DBH: variants seen among roughly 807,000 people sequenced by gnomAD.
DBH encodes the protein dopamine beta-hydroxylase.
DBH carries 49 observed loss-of-function variants against 64.0 expected under a neutral mutation model. That is an observed-to-expected ratio of 0.77 (90% CI 0.61 to 0.97). The LOEUF (loss-of-function observed/expected upper bound fraction) is 0.97, where lower values mean the gene tolerates loss of function less well. Ranked by LOEUF, DBH falls within the 50% of genes least tolerant of loss-of-function variation. The pLI, the probability that DBH is intolerant of heterozygous loss-of-function variation, is 0.00. For synonymous variants in DBH, 343 were observed against 347.1 expected (o/e 0.99, Z 0.13); for missense variants, 828 against 826.6 (o/e 1.00, Z -0.02).
In DBH at chr9:133,651,684, C is replaced by T. The variant is rs760381447; in HGVS notation, c.1242C>T (p.His414=). 3.7e-6 allele frequency: 6 copies of T among 1,613,968 alleles called. No individual in the cohort carries two copies. In the South Asian group the frequency reaches 6.6e-5, roughly 18 times the overall value. ...TCTTCGCCTCTCAGCTCCACACACA[C>T]CTGACTGGGAGAAAGGTGGTCACAG... The part of the protein sequence containing the change: ...IHIFASQLHT[H]LTGRKVVTVL... The change falls in exon 7 of 12, where the codon CAC becomes CAT. Residue 414 remains histidine (H), a synonymous_variant. Coordinates refer to ENST00000393056, the MANE Select transcript of DBH (RefSeq NM_000787.4).
At chr9:133,642,514 C>A (rs1611121) in intron 3 of DBH, 50 bp downstream of exon 3, 1 of 1,556,770 alleles carries the variant, frequency 6.4e-7, no homozygotes, top group African/African-American at 1.4e-5. Context: ...GCCTTCCTCC[C>A]GGGCCTGGGT....
chr9:133,658,667 A>G lies in DBH; in HGVS notation c.*220A>G. On this transcript the variant is annotated 3_prime_UTR_variant, in exon 12 of 12. Coordinates refer to ENST00000393056, the MANE Select transcript of DBH (RefSeq NM_000787.4). ...TGGGTGCCCTGTTGACCTACCCTGG[A>G]CCGAGTGGACCACGACCTCGTCCAT... The G allele has an allele frequency of 2.1e-6, 1 of 483,808 alleles. No homozygotes were observed. 30.0% of individuals were successfully genotyped at this position (483,808 alleles called of 1,614,324 possible).
intron 2 of DBH, among the ~76,000 whole-genome samples, chr9:133,641,167 T>C (rs1832111913): frequency 6.6e-6 from 1 of 152,194 alleles, no homozygotes; most frequent in African/African-American, 2.4e-5. Context: ...CATTAATAGA[T>C]GCCAAATAGA....
At chr9:133,654,468 T>C (rs10761412) in intron 9 of DBH, 68,175 of 152,078 alleles carry the variant, frequency 0.45, 15,573 homozygotes, top group East Asian at 0.59. Flanking sequence ...ATGGCTGAGC[T>C]GGGATTTGAC....
At chr9:133,653,106 T>A (rs1258825210) in intron 9 of DBH, 107 bp downstream of exon 9, 5 of 870,724 alleles carry the variant, frequency 5.7e-6, no homozygotes, top group Non-Finnish European at 9.7e-6. Context: ...CATGGGCTCG[T>A]CCCCTCAATA....
chr9:133,659,146 G>C lies in DBH; in HGVS notation c.*699G>C, dbSNP rs1013207046. The C allele has an allele frequency of 6.6e-6, 1 of 152,252 alleles. No homozygotes were observed. The highest frequency in any genetic ancestry group is 2.4e-5 in the African/African-American group (1 of 41,456). 9.4% of individuals were successfully genotyped at this position (152,252 alleles called of 1,614,324 possible). On this transcript the variant is annotated 3_prime_UTR_variant, in exon 12 of 12. Transcript: ENST00000393056. ...ATTAGCACCAGCTTGCTTCTCTGCC[G>C]GTGGGGCCAGCGCTGAACAGACCGG...
chr9:133,657,804 G>C (rs1032063031), intron 11 of DBH, among the ~76,000 whole-genome samples: 1 of 152,170 alleles, frequency 6.6e-6, no homozygotes, highest in Non-Finnish European at 1.5e-5. Context: ...AGAGTTAGTC[G>C]CGTAAGGTGC....
chr9:133,658,540 C>A lies in DBH; in HGVS notation c.*93C>A. The A allele has an allele frequency of 7.3e-7, 1 of 1,373,952 alleles. No homozygotes were observed. The highest frequency in any genetic ancestry group is 9.7e-7 in the Non-Finnish European group (1 of 1,030,754). 85.1% of individuals were successfully genotyped at this position (1,373,952 alleles called of 1,614,324 possible). ...CTCTGCGACGATCCCCATGGAACAG[C>A]CCTGCACGCCCAGGATGAAGGGGCC... On this transcript the variant is annotated 3_prime_UTR_variant, in exon 12 of 12. Coordinates refer to ENST00000393056, the MANE Select transcript of DBH (RefSeq NM_000787.4).
chr9:133,644,643 A>T, intron 5 of DBH, among the ~76,000 whole-genome samples: 1 of 152,210 alleles, frequency 6.6e-6, no homozygotes, highest in African/African-American at 2.4e-5. Flanking sequence ...GAGAATTTTC[A>T]TAAGGGAAGC....
In DBH at chr9:133,647,835, C is replaced by T. The variant is rs1246022790; in HGVS notation, c.1025-11C>T. 1.2e-6 allele frequency: 2 copies of T among 1,614,088 alleles called. No homozygotes were observed. The highest frequency in any genetic ancestry group is 1.7e-6 in the Non-Finnish European group (2 of 1,180,032). On this transcript the variant is annotated splice_polypyrimidine_tract_variant and intron_variant, in intron 5 of 11. Coordinates refer to ENST00000393056, the MANE Select transcript of DBH (RefSeq NM_000787.4). Reference sequence around the variant, plus strand: ...TTACCGCTCACCTCCATCCATCCCACCTTCTCCCAGGACGAAACGACTCCT... The same window carrying T: ...TTACCGCTCACCTCCATCCATCCCATCTTCTCCCAGGACGAAACGACTCCT...
intron 5 of DBH, among the ~76,000 whole-genome samples, chr9:133,645,018 TTCTC>T (rs1032720306): frequency 2.6e-5 from 4 of 152,102 alleles, no homozygotes; most frequent in Admixed American, 1.3e-4. Flanking sequence ...CACACACTTT[TTCTC>T]TCTCTCTGAA....
intron 1 of DBH, 26 bp downstream of exon 1, chr9:133,636,736 T>G (rs1237321843): frequency 1.3e-6 from 2 of 1,587,902 alleles, no homozygotes; most frequent in African/African-American, 2.7e-5. Context: ...CTGCCAGCTC[T>G]CCAAACCCTT....
chr9:133,640,035 G>C (rs1588346665), intron 2 of DBH, 43 bp downstream of exon 2: 2 of 1,610,438 alleles, frequency 1.2e-6, no homozygotes, highest in East Asian at 4.5e-5. Flanking sequence ...TGGGCTGCGT[G>C]TATCATGCTG....
intron 8 of DBH, 141 bp downstream of exon 8, chr9:133,652,425 G>A: frequency 2.0e-6 from 2 of 1,021,052 alleles, no homozygotes; most frequent in East Asian, 5.0e-5. Context: ...GAGGGTGCCT[G>A]TGGGTGGCTC....
At position 133,647,919 on chromosome 9, in the gene DBH, G is replaced by T; in HGVS notation, c.1098G>T (p.Glu366Asp). The T allele has an allele frequency of 6.2e-7, 1 of 1,614,192 alleles. No homozygotes were observed. Among genetic ancestry groups the T allele is most frequent in the South Asian group, 1.1e-5 (1 of 91,088 alleles). The change falls in exon 6 of 12, where the codon GAG becomes GAT. Residue 366 changes from glutamate (E) to aspartate (D), a missense_variant. Glu to Asp is a conservative substitution (Grantham distance 45). Transcript: ENST00000393056. ...KLRRFNAGIM[E>D]LGLVYTPVMA... ...GGCGCTTCAACGCGGGGATCATGGA[G>T]CTGGGACTGGTGTACACGCCAGTGA...
chr9:133,641,025 G>A (rs1009799582), intron 2 of DBH, among the ~76,000 whole-genome samples: 1 of 152,218 alleles, frequency 6.6e-6, no homozygotes, highest in Non-Finnish European at 1.5e-5. Context: ...GTGACAGTCA[G>A]GTGGAGGAGG....
chr9:133,637,197 C>T (rs1184730181), intron 1 of DBH, among the ~76,000 whole-genome samples: 3 of 152,198 alleles, frequency 2.0e-5, no homozygotes, highest in Non-Finnish European at 4.4e-5. Flanking sequence ...GTGCTTGTAC[C>T]CGTGGACCAA....
chr9:133,639,848 C>T lies in DBH; in HGVS notation c.342C>T (p.Asp114=), dbSNP rs77576840. 9.3e-5 allele frequency: 149 copies of T among 1,609,996 alleles called. No homozygotes were observed. Among genetic ancestry groups the T allele is most frequent in the Middle Eastern group, 3.5e-4 (2 of 5,692 alleles). The part of the protein sequence containing the change: ...WTDGDTAYFA[D]AWSDQKGQIH... ...GAGCCCAGTGCTTGTCTCTGCAGGA[C>T]GCCTGGAGTGACCAGAAGGGGCAGA... Residue 114 remains aspartate (D), a splice_region_variant and synonymous_variant, in exon 2 of 12, where the codon GAC becomes GAT. Coordinates refer to ENST00000393056, the MANE Select transcript of DBH (RefSeq NM_000787.4).
Position 133,651,795 on chromosome 9 carries a change from A to AGCCCCCCCCCCCC in DBH, c.1335+18_1335+19insGCCCCCCCCCCCC. ...ACTTCCAGGTAGGAACCTGCACCCC[A>AGCCCCCCCCCCCC]CCCCTGCCCCGCCCCCACACCCTGC... On this transcript the variant is annotated intron_variant, in intron 7 of 11. Coordinates refer to ENST00000393056, the MANE Select transcript of DBH (RefSeq NM_000787.4). The AGCCCCCCCCCCCC allele has an allele frequency of 8.3e-7, 1 of 1,209,216 alleles. No individual in the cohort carries two copies. 74.9% of individuals were successfully genotyped at this position (1,209,216 alleles called of 1,614,324 possible).
Sources: allele counts gnomAD v4.1 joint callset (sites outside exome capture counted in the v4.1 genomes callset), GRCh38; gene constraint gnomAD v4.1.1; transcripts MANE v1.5; gene names NCBI Gene and HGNC (gene_info 2026-07-23, HGNC 2026-07-21).